AGBL4: variants seen among roughly 807,000 people sequenced by gnomAD.
AGBL4 encodes AGBL carboxypeptidase 4, also known as cytosolic carboxypeptidase 6.
Under a neutral mutation model 66.4 loss-of-function variants are expected in AGBL4, and 58 were observed. The observed-to-expected ratio is 0.87, with a 90% CI of 0.71 to 1.09. AGBL4 has a LOEUF of 1.09. Among genes scored for constraint, AGBL4 ranks in the 50% least tolerant of loss-of-function variants. AGBL4 has a pLI of 0.00. For synonymous variants in AGBL4, 234 were observed against 222.9 expected, an observed-to-expected ratio of 1.05 and a Z score of -0.44; for missense variants, 579 against 631.0, an observed-to-expected ratio of 0.92 and a Z score of 0.88.
chr1:49,773,071 C>T (rs767193182), intron 2 of AGBL4, among the ~76,000 whole-genome samples: 7 of 152,092 alleles, frequency 4.6e-5, no homozygotes, highest in Non-Finnish European at 1.5e-5. Flanking sequence ...TTCAAAATCA[C>T]GTCTTCAAGT....
intron 1 of AGBL4, among the ~76,000 whole-genome samples, chr1:49,982,800 T>G (rs1436768759): frequency 1.3e-5 from 2 of 152,096 alleles, no homozygotes; most frequent in African/African-American, 2.4e-5. Flanking sequence ...GTCTCCTCTC[T>G]GCTGAGAGCT....
chr1:49,331,243 C>A (rs1032190187), intron 3 of AGBL4, among the ~76,000 whole-genome samples: 2 of 152,180 alleles, frequency 1.3e-5, no homozygotes, highest in Admixed American at 1.3e-4. Context: ...TCTGCACATA[C>A]CCTCTAGGAA....
intron 1 of AGBL4, chr1:49,994,816 C>T (rs1441595510): frequency 6.6e-6 from 2 of 304,826 alleles, no homozygotes; most frequent in African/African-American, 2.2e-5. Flanking sequence ...GCTGTAAGTG[C>T]CCAAAGTGCA....
intron 3 of AGBL4, among the ~76,000 whole-genome samples, chr1:49,646,534 A>T (rs955022288): frequency 1.3e-5 from 2 of 151,992 alleles, no homozygotes; most frequent in African/African-American, 4.8e-5. Context: ...GAAAAATTTT[A>T]AGTCCTAAAT....
chr1:48,899,086 C>G (rs1287011137), intron 5 of AGBL4, among the ~76,000 whole-genome samples: 1 of 152,208 alleles, frequency 6.6e-6, no homozygotes, highest in Non-Finnish European at 1.5e-5. Context: ...TCGGCTCAGC[C>G]TCCCTGCAGG....
chr1:49,160,904 C>A (rs1440407302), intron 4 of AGBL4, among the ~76,000 whole-genome samples: 5 of 152,202 alleles, frequency 3.3e-5, no homozygotes, highest in Admixed American at 2.0e-4. Context: ...CCTCCCCCCA[C>A]CAAACTTGAG....
In AGBL4 at chr1:48,750,495, G is replaced by C. The variant is rs143989320; in HGVS notation, c.635-87254C>G. Among the ~76,000 whole-genome samples the C allele has an allele frequency of 5.0e-3, 757 of 152,306 alleles. 1 individual carries two copies. Among genetic ancestry groups the C allele is most frequent in the Admixed American group, 6.9e-3 (105 of 15,296 alleles). Reference sequence around the variant, plus strand: ...CTCTCCTACCCCAGCCATGTAAGGAGCTCTCTTTTGTATCCTTTCCCAACA... The same window carrying C: ...CTCTCCTACCCCAGCCATGTAAGGACCTCTCTTTTGTATCCTTTCCCAACA... On this transcript the variant is annotated intron_variant, in intron 6 of 13. Coordinates refer to ENST00000371839, the MANE Select transcript of AGBL4 (RefSeq NM_032785.4).
intron 2 of AGBL4, among the ~76,000 whole-genome samples, chr1:49,704,587 T>C (rs1334199089): frequency 1.3e-5 from 2 of 152,144 alleles, no homozygotes; most frequent in African/African-American, 4.8e-5. Flanking sequence ...TTTTAATACA[T>C]CTTGAGCTAA....
At chr1:49,206,790 T>C (rs1183244850) in intron 4 of AGBL4, among the ~76,000 whole-genome samples, 2 of 149,180 alleles carry the variant, frequency 1.3e-5, no homozygotes, top group African/African-American at 4.9e-5. Context: ...AAGTAATAGG[T>C]ATCCCAAATA....
intron 5 of AGBL4, among the ~76,000 whole-genome samples, chr1:48,899,450 A>G (rs1651878662): frequency 6.7e-6 from 1 of 149,720 alleles, no homozygotes; most frequent in Non-Finnish European, 1.5e-5. Flanking sequence ...CTTCTCCTCT[A>G]AGCCGCATTT....
intron 5 of AGBL4, among the ~76,000 whole-genome samples, chr1:49,007,884 A>C (rs564788796): frequency 2.0e-5 from 3 of 151,694 alleles, no homozygotes; most frequent in Admixed American, 2.0e-4. Flanking sequence ...GAAGCACTAA[A>C]CATGGAAAGG....
At chr1:49,303,068 A>C (rs1392326222) in intron 3 of AGBL4, among the ~76,000 whole-genome samples, 4 of 152,038 alleles carry the variant, frequency 2.6e-5, no homozygotes, top group Non-Finnish European at 4.4e-5. Context: ...ATTGATGGGC[A>C]TTTGGGTTGA....
chr1:48,983,264 A>T (rs751606168), intron 5 of AGBL4, among the ~76,000 whole-genome samples: 7 of 152,180 alleles, frequency 4.6e-5, no homozygotes, highest in Non-Finnish European at 7.3e-5. Context: ...ATTATGGGTA[A>T]ACAATGGTGC....
At chr1:49,544,536 CAATA>C (rs1195318217) in intron 3 of AGBL4, among the ~76,000 whole-genome samples, 1 of 152,032 alleles carries the variant, frequency 6.6e-6, no homozygotes, top group Non-Finnish European at 1.5e-5. Flanking sequence ...GTGGTAAATC[CAATA>C]AATATTTATC....
intron 5 of AGBL4, among the ~76,000 whole-genome samples, chr1:48,898,703 A>G (rs1651780917): frequency 6.6e-6 from 1 of 151,960 alleles, no homozygotes; most frequent in South Asian, 2.1e-4. Flanking sequence ...GCTTTGTAGT[A>G]AATTTTGAAG....
At chr1:49,046,505 T>C (rs1571316421) in intron 4 of AGBL4, among the ~76,000 whole-genome samples, 1 of 152,310 alleles carries the variant, frequency 6.6e-6, no homozygotes, top group Non-Finnish European at 1.5e-5. Context: ...TTTGCTAAGC[T>C]AAACACTGAG....
chr1:48,880,977 A>C (rs1312179809), intron 5 of AGBL4, among the ~76,000 whole-genome samples: 2 of 152,152 alleles, frequency 1.3e-5, no homozygotes, highest in Non-Finnish European at 2.9e-5. Context: ...AGTTTACTTA[A>C]ATTTTAATAT....
intron 2 of AGBL4, among the ~76,000 whole-genome samples, chr1:49,724,766 G>A (rs1381130365): frequency 1.3e-5 from 2 of 151,220 alleles, no homozygotes; most frequent in Non-Finnish European, 3.0e-5. Flanking sequence ...ACACCAGAAA[G>A]ATATATATAT....
chr1:49,397,521 C>T (rs1296645426), intron 3 of AGBL4, among the ~76,000 whole-genome samples: 1 of 152,040 alleles, frequency 6.6e-6, no homozygotes, highest in East Asian at 1.9e-4. Context: ...TAACAACTCA[C>T]AATAACACAA....
Sources: allele counts gnomAD v4.1 joint callset (sites outside exome capture counted in the v4.1 genomes callset), GRCh38; gene constraint gnomAD v4.1.1; transcripts MANE v1.5; gene names NCBI Gene and HGNC (gene_info 2026-07-23, HGNC 2026-07-21).